The following NIBAN2 variants were observed in gnomAD, a reference collection of about 807,000 sequenced individuals.
The protein encoded by NIBAN2 is niban apoptosis regulator 2.
In NIBAN2, 36 loss-of-function variants were observed where a neutral mutation model predicts 81.8. The observed-to-expected ratio is 0.44, with a 90% CI of 0.34 to 0.58. NIBAN2 has a LOEUF of 0.58. Among genes scored for constraint, NIBAN2 ranks in the 20% least tolerant of loss-of-function variants. NIBAN2 has a pLI of 0.02. For missense variants in NIBAN2, 897 were observed against 1,014.1 expected, an observed-to-expected ratio of 0.88 and a Z score of 1.57; for synonymous variants, 445 against 441.6, an observed-to-expected ratio of 1.01 and a Z score of -0.10.
rs777969730 is a variant in NIBAN2 at position 127,531,770 on chromosome 9, C to T, written c.64G>A (p.Gly22Arg). The T allele has an allele frequency of 1.4e-5, 23 of 1,614,142 alleles. No individual in the cohort carries two copies. In the East Asian group the frequency reaches 1.8e-4, roughly 13 times the overall value. Residue 22 changes from glycine to arginine, a missense_variant, in exon 2 of 14, where the codon GGG becomes AGG. Gly to Arg is a moderately radical substitution (Grantham distance 125, BLOSUM62 -2). Coordinates refer to ENST00000373312, the MANE Select transcript of NIBAN2 (RefSeq NM_022833.4). ...ARRQHIAEKT[G>R]KILTEFLQFY... is the part of the protein sequence containing the mutation. ...TGGAGGAACTCCGTCAGGATCTTCC[C>T]GGTTTTTTCTGGAAGAGAAGGACAA... is the stretch of plus-strand genomic sequence containing the variant.
At chr9:127,547,095 A>G (rs1837485389) in intron 1 of NIBAN2, among the ~76,000 whole-genome samples, 1 of 151,982 alleles carries the variant, frequency 6.6e-6, no homozygotes, top group African/African-American at 2.4e-5. Flanking sequence ...GTCAAGAAGG[A>G]CCCTTCAACA....
In NIBAN2 at chr9:127,510,295, G is replaced by A; in HGVS notation, c.1012C>T (p.His338Tyr). The A allele has an allele frequency of 6.2e-7, 1 of 1,613,788 alleles. No homozygotes were observed. Among genetic ancestry groups the A allele is most frequent in the Admixed American group, 1.7e-5 (1 of 60,014 alleles). The change falls in exon 9 of 14, where the codon CAT becomes TAT. Residue 338 changes from histidine (H) to tyrosine (Y), a missense_variant. Physicochemically the swap from His to Tyr is moderately conservative, Grantham distance 83. Transcript: ENST00000373312. The part of the protein sequence containing the change: ...LPKAEVCVRN[H>Y]VQPYIPSILE... ...ATGGATGGGATGTAGGGCTGGACAT[G>A]GTTCCGCACGCACACCTCTGCCTTG...
intron 1 of NIBAN2, among the ~76,000 whole-genome samples, chr9:127,537,337 C>G (rs1354722916): frequency 6.6e-6 from 1 of 152,232 alleles, no homozygotes; most frequent in African/African-American, 2.4e-5. Context: ...ATAAACGTCA[C>G]TGTTAATCAT....
chr9:127,507,587 C>G lies in NIBAN2; in HGVS notation c.1655-156G>C, dbSNP rs570413120. ...GCCTCGTTGCTGAAAGCAGCAAGGC[C>G]GTGATGCTATCTCCAGGCCCAGGCT... On this transcript the variant is annotated intron_variant, in intron 13 of 13. Transcript: ENST00000373312. The surrounding 1 kb of genome is among the most constrained non-coding windows in gnomAD (Gnocchi z 6.8). 6.6e-6 allele frequency among the ~76,000 whole-genome samples: 1 copy of G among 152,192 alleles called. No homozygotes were observed. The highest frequency in any genetic ancestry group is 1.5e-5 in the Non-Finnish European group (1 of 68,018).
chr9:127,508,521 C>T lies in NIBAN2; in HGVS notation c.1335G>A (p.Val445=). The change falls in exon 11 of 14, where the codon GTG becomes GTA. Residue 445 remains valine (V), a synonymous_variant. Transcript: ENST00000373312. The surrounding 1 kb of genome is among the most constrained non-coding windows in gnomAD (Gnocchi z 6.4). ...GGTGCAGGAGGGTCTCGAACGTATA[C>T]ACGGCATTGTCCATTTGCTGCAGGG... ...IHMREQMDNA[V]YTFETLLHQE... 4 of 1,613,864 alleles carry T rather than the reference C, an allele frequency of 2.5e-6. No individual in the cohort carries two copies. Among genetic ancestry groups the T allele is most frequent in the Non-Finnish European group, 3.4e-6 (4 of 1,179,940 alleles).
intron 1 of NIBAN2, among the ~76,000 whole-genome samples, chr9:127,567,247 C>A (rs375755792): frequency 6.6e-6 from 1 of 152,136 alleles, no homozygotes; most frequent in Non-Finnish European, 1.5e-5. Context: ...CCAGGCCCCT[C>A]GAGGGGCCTC....
intron 3 of NIBAN2, among the ~76,000 whole-genome samples, chr9:127,525,903 G>A (rs1291410468): frequency 6.6e-6 from 1 of 152,140 alleles, no homozygotes; most frequent in East Asian, 1.9e-4. Flanking sequence ...GTCCTCTGGA[G>A]AATTAGGTCT....
At chr9:127,575,688 C>G (rs937692695) in intron 1 of NIBAN2, among the ~76,000 whole-genome samples, 1 of 152,044 alleles carries the variant, frequency 6.6e-6, no homozygotes, top group African/African-American at 2.4e-5. Context: ...CGCCACTATG[C>G]CTGGTTAATT....
chr9:127,552,693 T>TG (rs563643442), intron 1 of NIBAN2, among the ~76,000 whole-genome samples: 2 of 141,118 alleles, frequency 1.4e-5, no homozygotes, highest in East Asian at 2.1e-4. Context: ...CGTTTTTTTT[T>TG]TTTTTTTTTT....
chr9:127,578,428 G>A lies in NIBAN2; in HGVS notation c.16+494C>T, dbSNP rs112654175. The stretch of plus-strand genomic sequence containing the variant: ...TGTAATCCCAGCACTTTAGGAGACC[G>A]AGGCAGGTGGATCATCTGAGCTCAG... On this transcript the variant is annotated intron_variant, in intron 1 of 13. Coordinates refer to the NIBAN2 transcript ENST00000373314. 1.5e-3 allele frequency among the ~76,000 whole-genome samples: 224 copies of A among 150,920 alleles called. 1 individual carries two copies. The highest frequency in any genetic ancestry group is 5.3e-3 in the African/African-American group (217 of 41,080).
Position 127,508,052 on chromosome 9 carries a change from A to T in NIBAN2, c.1542+41T>A. Reference sequence around the variant, plus strand: ...GGAGGCCTGTGGGCTCCATCCCCCAACTTAGGGCCCAAACGGCTGGAGCAG... The same window carrying T: ...GGAGGCCTGTGGGCTCCATCCCCCATCTTAGGGCCCAAACGGCTGGAGCAG... On this transcript the variant is annotated intron_variant, in intron 12 of 13. Transcript: ENST00000373312. The surrounding 1 kb of genome is among the most constrained non-coding windows in gnomAD (Gnocchi z 6.4). 6.2e-7 allele frequency: 1 copy of T among 1,610,916 alleles called. No individual in the cohort carries two copies. Among genetic ancestry groups the T allele is most frequent in the Non-Finnish European group, 8.5e-7 (1 of 1,177,218 alleles).
chr9:127,515,053 C>A (rs1836799777), intron 8 of NIBAN2, among the ~76,000 whole-genome samples: 2 of 152,106 alleles, frequency 1.3e-5, no homozygotes, highest in East Asian at 1.9e-4. Flanking sequence ...GCCAAGACCC[C>A]TTTCTCTACA....
At chr9:127,518,840 A>G (rs1227859492) in intron 5 of NIBAN2, among the ~76,000 whole-genome samples, 2 of 152,216 alleles carry the variant, frequency 1.3e-5, no homozygotes, top group African/African-American at 4.8e-5. Context: ...GTTACTGCTA[A>G]GTCCAGGTCA....
intron 1 of NIBAN2, among the ~76,000 whole-genome samples, chr9:127,554,410 C>T (rs571827600): frequency 5.3e-5 from 8 of 152,294 alleles, no homozygotes; most frequent in East Asian, 1.9e-4. Context: ...CCCTCTTCCC[C>T]GCTCCGGAGC....
chr9:127,506,771 T>C lies in NIBAN2; in HGVS notation c.*74A>G. The C allele has an allele frequency of 7.2e-7, 1 of 1,390,514 alleles. No homozygotes were observed. Among genetic ancestry groups the C allele is most frequent in the African/African-American group, 1.4e-5 (1 of 69,378 alleles). The allele number at this position is 1,390,514 out of a possible 1,614,324, so 86.1% of individuals were successfully genotyped here. ...CCACAAGGCACAGACCAGGGTGCCC[T>C]CCCCAGAGCTGAGCCTGCCTGGGTC... is the stretch of plus-strand genomic sequence containing the variant. On this transcript the variant is annotated 3_prime_UTR_variant, in exon 14 of 14. Transcript: ENST00000373312.
At chr9:127,523,237 AT>A (rs1836993905) in intron 5 of NIBAN2, among the ~76,000 whole-genome samples, 5 of 92,366 alleles carry the variant, frequency 5.4e-5, no homozygotes, top group Non-Finnish European at 8.5e-5. Flanking sequence ...ATATATATAT[AT>A]ATATATATAT....
intron 1 of NIBAN2, among the ~76,000 whole-genome samples, chr9:127,543,004 C>T (rs1047472409): frequency 1.3e-5 from 2 of 152,200 alleles, no homozygotes; most frequent in African/African-American, 4.8e-5. Context: ...GGGTTACAGG[C>T]GTGAGCCACT....
At chr9:127,550,834 C>CGGTCA (rs1293121439) in intron 1 of NIBAN2, among the ~76,000 whole-genome samples, 3 of 152,202 alleles carry the variant, frequency 2.0e-5, no homozygotes, top group Admixed American at 2.0e-4. Context: ...GAAACTAAGG[C>CGGTCA]GGTCACCTAA....
intron 1 of NIBAN2, among the ~76,000 whole-genome samples, chr9:127,532,191 T>C (rs758409599): frequency 2.3e-4 from 35 of 152,106 alleles, no homozygotes; most frequent in Non-Finnish European, 4.3e-4. Context: ...TCTACCCCCA[T>C]AGAACGATTC....
Sources: allele counts gnomAD v4.1 joint callset (sites outside exome capture counted in the v4.1 genomes callset), GRCh38; gene constraint gnomAD v4.1.1; non-coding constraint Gnocchi (gnomAD v3.1); transcripts MANE v1.5; gene names NCBI Gene and HGNC (gene_info 2026-07-23, HGNC 2026-07-21).